GPHN: variants seen among roughly 807,000 people sequenced by gnomAD.
GPHN encodes gephyrin.
Under a neutral mutation model 95.5 loss-of-function variants are expected in GPHN, and 17 were observed. The ratio of observed to expected loss-of-function variants is 0.18; its 90% CI spans 0.12 to 0.27. The LOEUF (loss-of-function observed/expected upper bound fraction) is 0.27, where lower values mean the gene tolerates loss of function less well. GPHN is among the 10% of genes least tolerant of loss of function. The pLI, the probability that GPHN is intolerant of heterozygous loss-of-function variation, is 1.00. For synonymous variants in GPHN, 320 were observed against 322.5 expected (o/e 0.99, Z 0.08); for missense variants, 660 against 978.1 (o/e 0.67, Z 4.34).
intron 2 of GPHN, among the ~76,000 whole-genome samples, chr14:66,705,863 G>A (rs2069027561): frequency 1.3e-5 from 2 of 152,176 alleles, no homozygotes; most frequent in African/African-American, 4.8e-5. Flanking sequence ...AGGAAGAGAG[G>A]AAGTCAAATT....
At chr14:66,740,641 C>T (rs1039737481) in intron 2 of GPHN, among the ~76,000 whole-genome samples, 1 of 150,930 alleles carries the variant, frequency 6.6e-6, no homozygotes, top group South Asian at 2.1e-4. Flanking sequence ...TGTGCTTTTC[C>T]TGTGGTAAGT....
At chr14:66,890,138 A>G (rs1009153957) in intron 5 of GPHN, among the ~76,000 whole-genome samples, 1 of 152,176 alleles carries the variant, frequency 6.6e-6, no homozygotes, top group Admixed American at 6.5e-5. Flanking sequence ...TCAGCTGGGT[A>G]CGGTGGCTCA....
At chr14:67,701,393 TA>T in the GPHN span, among the ~76,000 whole-genome samples, 1 of 150,820 alleles carries the variant, frequency 6.6e-6, no homozygotes. Context: ...CATATACATT[TA>T]AAAAAATTTT....
chr14:67,265,764 T>G, the GPHN span, among the ~76,000 whole-genome samples: 1 of 147,260 alleles, frequency 6.8e-6, no homozygotes, highest in African/African-American at 2.5e-5. Flanking sequence ...GGCTGAGGCA[T>G]GAGAATCACT....
intron 4 of GPHN, among the ~76,000 whole-genome samples, chr14:66,843,344 T>A (rs2062174568): frequency 6.6e-6 from 1 of 152,170 alleles, no homozygotes. Context: ...GCCTGCCTGA[T>A]CTTGCCCTGC....
chr14:67,205,501 A>T, the GPHN span, among the ~76,000 whole-genome samples: 1 of 152,186 alleles, frequency 6.6e-6, no homozygotes, highest in Non-Finnish European at 1.5e-5. Flanking sequence ...ATATAGCAGT[A>T]CCCAGTACCT....
the GPHN span, among the ~76,000 whole-genome samples, chr14:67,557,691 G>A: frequency 6.6e-6 from 1 of 152,242 alleles, no homozygotes; most frequent in Non-Finnish European, 1.5e-5. Flanking sequence ...GCCTCTGACA[G>A]TGGGCAAAGT....
chr14:67,694,449 TATAC>T, the GPHN span, among the ~76,000 whole-genome samples: 2 of 145,794 alleles, frequency 1.4e-5, no homozygotes, highest in Non-Finnish European at 3.0e-5. Flanking sequence ...TATATATATA[TATAC>T]ACACACACAC....
intron 4 of GPHN, among the ~76,000 whole-genome samples, chr14:66,869,129 T>G (rs1268275547): frequency 6.6e-6 from 1 of 152,148 alleles, no homozygotes; most frequent in East Asian, 1.9e-4. Flanking sequence ...TAATAATGTA[T>G]AAGAGGGAAA....
intron 1 of GPHN, among the ~76,000 whole-genome samples, chr14:66,616,169 G>A (rs374828127): frequency 6.6e-6 from 1 of 150,692 alleles, no homozygotes; most frequent in Non-Finnish European, 1.5e-5. Flanking sequence ...TTTTGCTCAG[G>A]ATTGTCTTGG....
At chr14:66,918,420 G>C (rs1010065787) in intron 6 of GPHN, among the ~76,000 whole-genome samples, 1 of 152,200 alleles carries the variant, frequency 6.6e-6, no homozygotes, top group African/African-American at 2.4e-5. Flanking sequence ...TATGTAGAAA[G>C]TGGGGTCAGA....
intron 8 of GPHN, among the ~76,000 whole-genome samples, chr14:66,962,067 A>G (rs1295964275): frequency 2.0e-5 from 3 of 150,086 alleles, no homozygotes; most frequent in Non-Finnish European, 4.5e-5. Context: ...AGAGTAATCT[A>G]TATTCACTGA....
the GPHN span, among the ~76,000 whole-genome samples, chr14:67,549,830 T>G: frequency 6.6e-6 from 1 of 152,250 alleles, no homozygotes; most frequent in African/African-American, 2.4e-5. Flanking sequence ...ATAAGCACTT[T>G]CTGGAGCTAT....
At chr14:67,109,164 A>G (rs2078222741) in intron 13 of GPHN, among the ~76,000 whole-genome samples, 1 of 152,246 alleles carries the variant, frequency 6.6e-6, no homozygotes, top group Non-Finnish European at 1.5e-5. Flanking sequence ...TGGTAATCTT[A>G]TAGGACCACC....
At chr14:67,397,162 C>G in the GPHN span, among the ~76,000 whole-genome samples, 2 of 152,166 alleles carry the variant, frequency 1.3e-5, no homozygotes, top group Non-Finnish European at 2.9e-5. Flanking sequence ...TGGTGTCAAA[C>G]TCCTCACCGC....
At chr14:66,912,365 CTACCCT>C (rs1185145888) in intron 5 of GPHN, among the ~76,000 whole-genome samples, 1 of 152,096 alleles carries the variant, frequency 6.6e-6, no homozygotes, top group Non-Finnish European at 1.5e-5. Flanking sequence ...TTAACTACCC[CTACCCT>C]TCCTTACCTA....
chr14:67,484,504 G>T, the GPHN span, among the ~76,000 whole-genome samples: 1 of 152,142 alleles, frequency 6.6e-6, no homozygotes, highest in Non-Finnish European at 1.5e-5. Context: ...AAACATTACA[G>T]AATGACATAG....
intron 1 of GPHN, among the ~76,000 whole-genome samples, chr14:66,546,507 A>G (rs74958050): frequency 1.3e-5 from 2 of 152,200 alleles, no homozygotes; most frequent in South Asian, 2.1e-4. Context: ...ACCAGACTCC[A>G]TCTGCAATCC....
chr14:66,990,845 A>G (rs999491314), intron 9 of GPHN, among the ~76,000 whole-genome samples: 1 of 151,800 alleles, frequency 6.6e-6, no homozygotes. Flanking sequence ...TAATAGTTTA[A>G]TTTGCTAATA....
Sources: allele counts gnomAD v4.1 joint callset (sites outside exome capture counted in the v4.1 genomes callset), GRCh38; gene constraint gnomAD v4.1.1; transcripts MANE v1.5; gene names NCBI Gene and HGNC (gene_info 2026-07-23, HGNC 2026-07-21).